The following DPY19L1 variants were observed in gnomAD, a reference collection of about 807,000 sequenced individuals.
DPY19L1 encodes the protein dpy-19 like C-mannosyltransferase 1, also known as protein C-mannosyl-transferase DPY19L1.
DPY19L1 carries 35 observed loss-of-function variants against 96.9 expected under a neutral mutation model. The observed-to-expected ratio is 0.36, with a 90% CI of 0.28 to 0.48. DPY19L1 has a LOEUF of 0.48. DPY19L1 is among the 20% of genes least tolerant of loss of function. The probability of loss-of-function intolerance (pLI) is 0.99; values close to 1 mark genes in which losing one functional copy is unlikely to be tolerated. For missense variants in DPY19L1, 521 were observed against 777.9 expected (o/e 0.67, Z 3.93); for synonymous variants, 205 against 252.6 (o/e 0.81, Z 1.79).
intron 6 of DPY19L1, among the ~76,000 whole-genome samples, chr7:35,006,714 GATCTCACTTC>G: frequency 6.6e-6 from 1 of 152,292 alleles, no homozygotes; most frequent in East Asian, 1.9e-4. Flanking sequence ...TTGCAAAACA[GATCTCACTTC>G]ATCTCCTCAA....
At chr7:34,992,647 A>G (rs1480373768) in intron 6 of DPY19L1, among the ~76,000 whole-genome samples, 1 of 151,154 alleles carries the variant, frequency 6.6e-6, no homozygotes, top group Non-Finnish European at 1.5e-5. Context: ...CATGGGATCC[A>G]GCAATCCTCC....
intron 6 of DPY19L1, chr7:35,000,364 G>A (rs1785396935): frequency 1.3e-5 from 2 of 152,178 alleles, no homozygotes; most frequent in Non-Finnish European, 2.9e-5. Context: ...ACCAGATCAT[G>A]CGAAGGTATG....
intron 7 of DPY19L1, among the ~76,000 whole-genome samples, chr7:34,979,375 A>C (rs891141690): frequency 2.6e-5 from 4 of 152,156 alleles, no homozygotes; most frequent in Non-Finnish European, 5.9e-5. Context: ...ATATATAGGC[A>C]ATATAAATAG....
At chr7:34,985,685 G>A (rs1382080344) in intron 7 of DPY19L1, among the ~76,000 whole-genome samples, 1 of 152,090 alleles carries the variant, frequency 6.6e-6, no homozygotes, top group Non-Finnish European at 1.5e-5. Context: ...GTGTTGGAGA[G>A]GATGTGGAGA....
chr7:34,973,833 G>A (rs1023096971), intron 7 of DPY19L1, among the ~76,000 whole-genome samples: 6 of 152,034 alleles, frequency 3.9e-5, no homozygotes, highest in Non-Finnish European at 5.9e-5. Context: ...ATCATGAATT[G>A]TCAGGAAGAA....
At chr7:35,037,068 C>A (rs1584269829) in intron 1 of DPY19L1, 29 bp downstream of exon 1, 2 of 215,746 alleles carry the variant, frequency 9.3e-6, no homozygotes, top group East Asian at 1.6e-4. Flanking sequence ...GTTCCGCGTC[C>A]CGGCGGCGCC....
chr7:35,028,885 T>C (rs1261005171), intron 1 of DPY19L1, among the ~76,000 whole-genome samples: 3 of 152,246 alleles, frequency 2.0e-5, no homozygotes, highest in African/African-American at 7.2e-5. Context: ...GCCATGGCAT[T>C]TGTAAACTGT....
chr7:35,017,881 C>A lies in DPY19L1; in HGVS notation c.411+1G>T. 1 of 1,588,986 alleles carries A rather than the reference C, an allele frequency of 6.3e-7. No homozygotes were observed. ...TGATGAAATCCCAAATAAAAACTAA[C>A]CATTTCAGTGCGAAAAGCCATCTCC... On this transcript the variant is annotated splice_donor_variant, in intron 3 of 21. Transcript: ENST00000638088. LOFTEE classifies it high-confidence loss of function.
intron 1 of DPY19L1, among the ~76,000 whole-genome samples, chr7:35,026,972 GGATACCT>G (rs1786135163): frequency 1.3e-5 from 2 of 152,092 alleles, no homozygotes; most frequent in Admixed American, 6.5e-5. Flanking sequence ...CGAGGCAGGT[GGATACCT>G]GAGGTCAGGA....
rs765961420 is a variant in DPY19L1 at position 35,013,633 on chromosome 7, T to G, written c.484A>C (p.Asn162His). The part of the protein sequence containing the change: ...SFLNGVWMIM[N>H]DKLTEYPLVI... ...AGGGGGTATTCAGTCAGTTTATCAT[T>G]CATAATCATCCATACTCCATTCAAA... The change falls in exon 4 of 22, where the codon AAT becomes CAT. Residue 162 changes from asparagine to histidine, a missense_variant. By Grantham distance (68) the Asn-to-His change is moderately conservative. Coordinates refer to ENST00000638088, the MANE Select transcript of DPY19L1 (RefSeq NM_001366673.1). The G allele has an allele frequency of 1.9e-6, 3 of 1,608,620 alleles. No individual in the cohort carries two copies. The highest frequency in any genetic ancestry group is 1.3e-5 in the African/African-American group (1 of 74,796).
chr7:34,978,551 T>C (rs1784876099), intron 7 of DPY19L1, among the ~76,000 whole-genome samples: 1 of 152,096 alleles, frequency 6.6e-6, no homozygotes, highest in South Asian at 2.1e-4. Flanking sequence ...TCTTGTTTGA[T>C]GCTACTTAGG....
At chr7:34,949,130 G>C (rs1279412578) in intron 14 of DPY19L1, among the ~76,000 whole-genome samples, 1 of 152,040 alleles carries the variant, frequency 6.6e-6, no homozygotes, top group African/African-American at 2.4e-5. Flanking sequence ...CATGCTTGTC[G>C]AACTAAACCA....
At chr7:34,998,524 G>C (rs1419890115) in intron 6 of DPY19L1, among the ~76,000 whole-genome samples, 2 of 152,188 alleles carry the variant, frequency 1.3e-5, no homozygotes, top group Admixed American at 1.3e-4. Flanking sequence ...CAGGGGTGAG[G>C]GGGAGGAGTA....
intron 9 of DPY19L1, among the ~76,000 whole-genome samples, 154 bp downstream of exon 9, chr7:34,969,279 T>TCTAAAAAATGTTTTAGAAAAACATTTTTC (rs1399147359): frequency 3.4e-4 from 52 of 152,202 alleles, no homozygotes; most frequent in Admixed American, 6.5e-4. Flanking sequence ...GTTCAATATT[T>TCTAAAAAATGTTTTAGAAAAACATTTTTC]CTAAAAAATG....
intron 6 of DPY19L1, among the ~76,000 whole-genome samples, chr7:34,998,126 G>A (rs925059521): frequency 6.6e-6 from 1 of 152,208 alleles, no homozygotes; most frequent in African/African-American, 2.4e-5. Flanking sequence ...GACCAAAGAA[G>A]ATAACAGAGA....
At chr7:34,972,417 C>A (rs1309589917) in intron 8 of DPY19L1, among the ~76,000 whole-genome samples, 3 of 152,154 alleles carry the variant, frequency 2.0e-5, no homozygotes, top group South Asian at 2.1e-4. Flanking sequence ...CAGATCGGAT[C>A]AGTGAGTGAA....
At position 35,008,098 on chromosome 7, in the gene DPY19L1, T is replaced by C. The variant is rs553899666; in HGVS notation, c.764+2370A>G. 2.0e-5 allele frequency among the ~76,000 whole-genome samples: 3 copies of C among 152,148 alleles called. 1 individual carries two copies. The highest frequency in any genetic ancestry group is 4.8e-5 in the African/African-American group (2 of 41,504). ...TCTCCCTGGTATGCTTTTATCTTCA[T>C]GGTTTATTTCCACCTATTCAAATAC... On this transcript the variant is annotated intron_variant, in intron 6 of 21. Transcript: ENST00000638088.
At chr7:35,028,316 T>G (rs1786176261) in intron 1 of DPY19L1, among the ~76,000 whole-genome samples, 1 of 152,220 alleles carries the variant, frequency 6.6e-6, no homozygotes, top group Admixed American at 6.5e-5. Flanking sequence ...CAAAACGATT[T>G]ATTTTAAAGT....
At chr7:35,002,171 CCA>C (rs915446496) in intron 6 of DPY19L1, among the ~76,000 whole-genome samples, 14 of 149,590 alleles carry the variant, frequency 9.4e-5, no homozygotes, top group Non-Finnish European at 1.5e-4. Flanking sequence ...CAAAAAAAAC[CCA>C]CACACACAAG....
Sources: gnomAD v4.1 joint callset for allele counts (sites outside exome capture counted in the v4.1 genomes callset) on GRCh38, gnomAD v4.1.1 for gene constraint, MANE v1.5 for transcripts, NCBI Gene and HGNC (gene_info 2026-07-23, HGNC 2026-07-21) for gene names.